The following SLC18A1 variants were observed in gnomAD, a reference collection of about 807,000 sequenced individuals.
SLC18A1 encodes chromaffin granule amine transporter.
A neutral mutation model predicts 53.7 loss-of-function variants in SLC18A1; 69 were observed. The observed-to-expected ratio is 1.28, with a 90% CI of 1.06 to 1.57. The LOEUF (loss-of-function observed/expected upper bound fraction) is 1.57, where lower values mean the gene tolerates loss of function less well. Ranked by LOEUF, SLC18A1 falls within the 40% of genes most tolerant of loss-of-function variation. The probability of loss-of-function intolerance (pLI) is 0.00; values close to 1 mark genes in which losing one functional copy is unlikely to be tolerated. For missense variants in SLC18A1, 932 were observed against 668.1 expected, an observed-to-expected ratio of 1.40 and a Z score of -4.35; for synonymous variants, 320 against 248.1, an observed-to-expected ratio of 1.29 and a Z score of -2.72.
rs904774493 is a variant in SLC18A1, at chr8:20,145,669, A to G, written c.*94T>C. The G allele has an allele frequency of 1.5e-6, 1 of 672,994 alleles. No individual in the cohort carries two copies. The highest frequency in any genetic ancestry group is 1.8e-5 in the African/African-American group (1 of 54,888). 41.7% of individuals were successfully genotyped at this position (672,994 alleles called of 1,614,324 possible). A position where few individuals can be genotyped will look rare whatever the true frequency, so the allele number is the denominator to read the frequency against. ...AAGATTCCCAGGCAGAGGTATGTGA[A>G]GCCCACTGAGCCGTGGGCTCAGCCA... On this transcript the variant is annotated 3_prime_UTR_variant, in exon 16 of 16. Coordinates refer to ENST00000276373, the MANE Select transcript of SLC18A1 (RefSeq NM_003053.4).
At chr8:20,149,330 G>T (rs1421953063) in intron 12 of SLC18A1, among the ~76,000 whole-genome samples, 1 of 152,020 alleles carries the variant, frequency 6.6e-6, no homozygotes, top group Non-Finnish European at 1.5e-5. Context: ...GCCATCCCCA[G>T]AAATGGATAC....
chr8:20,182,513 A>G (rs1212218306), intron 1 of SLC18A1, among the ~76,000 whole-genome samples: 1 of 152,240 alleles, frequency 6.6e-6, no homozygotes, highest in Non-Finnish European at 1.5e-5. Flanking sequence ...TTTATAATCA[A>G]TGACTTCAGT....
In SLC18A1 at chr8:20,182,814, T is replaced by C. The variant is rs1020999440; in HGVS notation, c.-124+249A>G. ...TCTATATAAAGGAGGTATTTCTGAA[T>C]ACAAATTGACTTAGGATATGTATGG... On this transcript the variant is annotated intron_variant, in intron 1 of 15. Coordinates refer to ENST00000276373, the MANE Select transcript of SLC18A1 (RefSeq NM_003053.4). Among the ~76,000 whole-genome samples the C allele has an allele frequency of 2.6e-5, 4 of 152,172 alleles. No individual in the cohort carries two copies. The South Asian group carries it at 8.3e-4, about 32-fold the overall frequency.
chr8:20,173,958 A>G (rs1319112456), intron 5 of SLC18A1, among the ~76,000 whole-genome samples: 2 of 148,804 alleles, frequency 1.3e-5, no homozygotes, highest in African/African-American at 5.0e-5. Flanking sequence ...GTGCAGAGGC[A>G]CAATCATGGC....
At chr8:20,161,703 C>T (rs1497023) in intron 10 of SLC18A1, among the ~76,000 whole-genome samples, 126,434 of 152,218 alleles carry the variant, frequency 0.83, 52,778 homozygotes, top group African/African-American at 0.9. Context: ...ACAGGTCCCA[C>T]GAAAGTCCAA....
intron 10 of SLC18A1, among the ~76,000 whole-genome samples, chr8:20,155,585 T>C (rs1311834935): frequency 1.3e-5 from 2 of 152,192 alleles, no homozygotes; most frequent in Non-Finnish European, 2.9e-5. Context: ...TAGTTGCCCA[T>C]GTGTGCACCC....
intron 10 of SLC18A1, among the ~76,000 whole-genome samples, chr8:20,159,858 G>C (rs1039256573): frequency 6.6e-6 from 1 of 152,030 alleles, no homozygotes; most frequent in Non-Finnish European, 1.5e-5. Flanking sequence ...GTCAGGACTT[G>C]AGTCCAGGCC....
intron 8 of SLC18A1, among the ~76,000 whole-genome samples, chr8:20,166,119 G>A (rs977898920): frequency 6.6e-6 from 1 of 151,564 alleles, no homozygotes; most frequent in African/African-American, 2.4e-5. Context: ...CCACTTCTAG[G>A]AATTGACTCT....
At chr8:20,172,776 G>C (rs538989824) in intron 6 of SLC18A1, among the ~76,000 whole-genome samples, 1 of 152,176 alleles carries the variant, frequency 6.6e-6, no homozygotes, top group African/African-American at 2.4e-5. Context: ...CATGGGAACC[G>C]AGGCGAAGCA....
chr8:20,149,602 CT>C (rs2071495331), intron 12 of SLC18A1, 73 bp downstream of exon 12: 3,109 of 1,175,562 alleles, frequency 2.6e-3, no homozygotes, highest in Non-Finnish European at 3.3e-3. Context: ...CTCTCTCTCT[CT>C]CTCTCTCTCT....
chr8:20,148,334 C>G (rs1585187588), intron 12 of SLC18A1: 2 of 702,568 alleles, frequency 2.8e-6, no homozygotes, highest in East Asian at 8.1e-5. Context: ...GTTTGGACCT[C>G]AGACTTGGCT....
chr8:20,178,054 T>C (rs2072292914), intron 4 of SLC18A1, among the ~76,000 whole-genome samples: 1 of 151,928 alleles, frequency 6.6e-6, no homozygotes, highest in Non-Finnish European at 1.5e-5. Flanking sequence ...CATAACAAAA[T>C]AATATCATTG....
Position 20,174,124 on chromosome 8 carries a change from G to T in SLC18A1, c.631+237C>A, listed in dbSNP as rs114083157. Among the ~76,000 whole-genome samples the T allele has an allele frequency of 9.7e-3, 1,470 of 151,970 alleles. 21 individuals carry two copies. The highest frequency in any genetic ancestry group is 0.034 in the African/African-American group (1,408 of 41,440). On this transcript the variant is annotated intron_variant, in intron 5 of 15. Transcript: ENST00000276373. ...TCACTATGTTGCCCAGGCTGCCCGG[G>T]TTGGTCTCAGACTCCTAGAATCAAG...
Position 20,167,330 on chromosome 8 carries a change from T to C in SLC18A1, c.859-2223A>G, listed in dbSNP as rs569629725. On this transcript the variant is annotated intron_variant, in intron 8 of 15. Coordinates refer to ENST00000276373, the MANE Select transcript of SLC18A1 (RefSeq NM_003053.4). ...TTCTTGGTAGCTTTGTTTTTTATAA[T>C]GGCATGGGTAAGTATTATAGAATTA... Among the ~76,000 whole-genome samples, 106 of 152,326 alleles carry C rather than the reference T, an allele frequency of 7.0e-4. No individual in the cohort carries two copies. In the South Asian group the frequency reaches 9.1e-3, roughly 13 times the overall value.
chr8:20,149,282 G>A (rs1563721318), intron 12 of SLC18A1, among the ~76,000 whole-genome samples: 1 of 152,084 alleles, frequency 6.6e-6, no homozygotes, highest in South Asian at 2.1e-4. Context: ...CTCTGTCAGG[G>A]TGGGATGAGT....
At chr8:20,152,583 G>A (rs2071585444) in intron 10 of SLC18A1, among the ~76,000 whole-genome samples, 2 of 152,324 alleles carry the variant, frequency 1.3e-5, no homozygotes, top group South Asian at 4.1e-4. Context: ...TGGAGATAGG[G>A]AAGACTGGTT....
At chr8:20,150,621 C>A (rs1444624175) in intron 11 of SLC18A1, 45 bp downstream of exon 11, 1 of 1,521,916 alleles carries the variant, frequency 6.6e-7, no homozygotes, top group Admixed American at 1.7e-5. Context: ...GGCGCTCTTC[C>A]ATCTTACATT....
chr8:20,147,542 G>A (rs2071432038), intron 14 of SLC18A1, 61 bp downstream of exon 14: 2 of 1,604,674 alleles, frequency 1.2e-6, no homozygotes, highest in Admixed American at 3.4e-5. Flanking sequence ...CTTCCTGGCT[G>A]CACTTCCAGC....
intron 1 of SLC18A1, among the ~76,000 whole-genome samples, chr8:20,182,200 C>T (rs1374656568): frequency 1.3e-5 from 2 of 152,122 alleles, no homozygotes; most frequent in Admixed American, 1.3e-4. Context: ...AGTAACTCTA[C>T]TACAAGGAAC....
Sources: gnomAD v4.1 joint callset for allele counts (sites outside exome capture counted in the v4.1 genomes callset) on GRCh38, gnomAD v4.1.1 for gene constraint, MANE v1.5 for transcripts, NCBI Gene and HGNC (gene_info 2026-07-23, HGNC 2026-07-21) for gene names.